Variants in FAM13A observed in about 807,000 individuals in gnomAD.
FAM13A encodes protein FAM13A.
FAM13A carries 76 observed loss-of-function variants against 129.6 expected under a neutral mutation model. The ratio of observed to expected loss-of-function variants is 0.59; its 90% CI spans 0.49 to 0.71. The LOEUF (loss-of-function observed/expected upper bound fraction) is 0.71. Among genes scored for constraint, FAM13A ranks in the 30% least tolerant of loss-of-function variants. FAM13A has a pLI of 0.00. For missense variants in FAM13A, 1,108 were observed against 1,249.3 expected (o/e 0.89, Z 1.70); for synonymous variants, 443 against 449.9 (o/e 0.98, Z 0.20).
rs767428164 is a variant in FAM13A, at chr4:88,728,300, T to C, written c.*233A>G. ...GTGCATGCGCGTGCGCATGTGCACA[T>C]ACTGCAGTCTTGACTTTCCAATTAC... On this transcript the variant is annotated 3_prime_UTR_variant, in exon 24 of 24. Transcript: ENST00000264344. 6 of 573,052 alleles carry C rather than the reference T, an allele frequency of 1.0e-5. No homozygotes were observed. The East Asian group carries it at 1.2e-4, about 11-fold the overall frequency. The allele number at this position is 573,052 out of a possible 1,614,324, so 35.5% of individuals were successfully genotyped here.
rs573048623 is a variant in FAM13A, at chr4:89,001,210, T to C, written c.428-10060A>G. On this transcript the variant is annotated intron_variant, in intron 3 of 23. Transcript: ENST00000264344. The stretch of plus-strand genomic sequence containing the variant: ...TAAGGTTCTTCCTGTCACATGGATC[T>C]GGATGAGAGCAGTCCAATTGGAACA... Among the ~76,000 whole-genome samples the C allele has an allele frequency of 1.2e-3, 187 of 152,354 alleles. 1 individual carries two copies. Among genetic ancestry groups the C allele is most frequent in the Non-Finnish European group, 1.9e-3 (127 of 68,032 alleles).
chr4:88,771,811 C>G (rs1214453146), intron 11 of FAM13A, among the ~76,000 whole-genome samples: 1 of 152,130 alleles, frequency 6.6e-6, no homozygotes, highest in South Asian at 2.1e-4. Flanking sequence ...TTTCAAAACA[C>G]AGATTCACTA....
chr4:88,875,868 A>G (rs964072656), intron 6 of FAM13A, among the ~76,000 whole-genome samples: 1 of 152,230 alleles, frequency 6.6e-6, no homozygotes, highest in African/African-American at 2.4e-5. Flanking sequence ...ACTATTCACA[A>G]TAGCAAAGAC....
chr4:88,761,602 A>T (rs1341761529), intron 13 of FAM13A, among the ~76,000 whole-genome samples: 1 of 152,138 alleles, frequency 6.6e-6, no homozygotes, highest in Admixed American at 6.5e-5. Flanking sequence ...AGAGCGTGGC[A>T]TGCTGGGCCA....
intron 4 of FAM13A, among the ~76,000 whole-genome samples, chr4:88,945,984 GTGTGTGTATATATATA>G (rs1274236036): frequency 1.2e-4 from 3 of 25,890 alleles, no homozygotes; most frequent in South Asian, 1.8e-3. Flanking sequence ...GTGTGTGTGT[GTGTGTGTATATATATA>G]TATATATATA....
At position 88,728,383 on chromosome 4, in the gene FAM13A, G is replaced by A; in HGVS notation, c.*150C>T. On this transcript the variant is annotated 3_prime_UTR_variant, in exon 24 of 24. Transcript: ENST00000264344. Reference sequence around the variant, plus strand: ...CCAGCCAGTTTCTAAGGCAGGCAATGGAAACAGGAGCCGATGCCAAATGGT... The same window carrying A: ...CCAGCCAGTTTCTAAGGCAGGCAATAGAAACAGGAGCCGATGCCAAATGGT... 1 of 866,544 alleles carries A rather than the reference G, an allele frequency of 1.2e-6. No individual in the cohort carries two copies. Among genetic ancestry groups the A allele is most frequent in the South Asian group, 1.7e-5 (1 of 58,482 alleles). 53.7% of individuals were successfully genotyped at this position (866,544 alleles called of 1,614,324 possible).
chr4:88,832,593 AAAG>A (rs1162249820), intron 7 of FAM13A, among the ~76,000 whole-genome samples: 2 of 152,244 alleles, frequency 1.3e-5, no homozygotes, highest in African/African-American at 2.4e-5. Flanking sequence ...ACACTACTCA[AAAG>A]AAGATGTTTA....
chr4:88,798,856 G>C (rs1336551025), intron 8 of FAM13A, among the ~76,000 whole-genome samples: 7 of 151,930 alleles, frequency 4.6e-5, no homozygotes, highest in African/African-American at 7.3e-5. Flanking sequence ...AGAGAGGCAG[G>C]GAAACTGAGG....
rs1761554194 is a variant in FAM13A at position 88,980,709 on chromosome 4, T to C, written c.605+10264A>G. Among the ~76,000 whole-genome samples, 3 of 152,378 alleles carry C rather than the reference T, an allele frequency of 2.0e-5. No individual in the cohort carries two copies. The South Asian group carries it at 6.2e-4, about 32-fold the overall frequency. Reference sequence around the variant, plus strand: ...GATTTTTAAAAATTTCAACTATTTATACTTTTCAATCCAAATTACCAGTTT... The same window carrying C: ...GATTTTTAAAAATTTCAACTATTTACACTTTTCAATCCAAATTACCAGTTT... On this transcript the variant is annotated intron_variant, in intron 4 of 23. Transcript: ENST00000264344.
chr4:88,904,345 T>C (rs1747799032), intron 6 of FAM13A, among the ~76,000 whole-genome samples: 1 of 152,050 alleles, frequency 6.6e-6, no homozygotes, highest in African/African-American at 2.4e-5. Context: ...CTACTTACAA[T>C]AGCAAAGACA....
At chr4:88,836,995 T>C (rs1178507104) in intron 7 of FAM13A, among the ~76,000 whole-genome samples, 1 of 151,944 alleles carries the variant, frequency 6.6e-6, no homozygotes, top group Non-Finnish European at 1.5e-5. Flanking sequence ...TGATGATTAT[T>C]TTTATTTTAC....
rs573517076 is a variant in FAM13A, at chr4:88,942,775, A to AT, written c.606-4535dup. On this transcript the variant is annotated intron_variant, in intron 4 of 23. Transcript: ENST00000264344. ...AGGCTACTAACTCTCCGAATTGCCT[A>AT]TTTTCTTTGAAAAAAATAGTCTCCT... Among the ~76,000 whole-genome samples, 999 of 152,134 alleles carry AT rather than the reference A, an allele frequency of 6.6e-3. 15 individuals are homozygous for AT. The highest frequency in any genetic ancestry group is 0.023 in the African/African-American group (955 of 41,510).
At chr4:88,751,798 T>C (rs1742683157) in intron 14 of FAM13A, among the ~76,000 whole-genome samples, 1 of 152,362 alleles carries the variant, frequency 6.6e-6, no homozygotes, top group East Asian at 1.9e-4. Flanking sequence ...TTTGTAATGT[T>C]TGCATTATAG....
intron 4 of FAM13A, among the ~76,000 whole-genome samples, chr4:88,966,717 A>G (rs1441047546): frequency 6.6e-6 from 1 of 152,202 alleles, no homozygotes; most frequent in Non-Finnish European, 1.5e-5. Flanking sequence ...GAGGAATCAC[A>G]TTAATAGCCT....
chr4:88,732,391 AAC>A (rs1382995785), intron 21 of FAM13A, 193 bp from the exon 22 acceptor site: 26 of 442,090 alleles, frequency 5.9e-5, no homozygotes, highest in East Asian at 5.8e-4. Flanking sequence ...CACATTTAAT[AAC>A]ACAATGTAGC....
intron 5 of FAM13A, among the ~76,000 whole-genome samples, chr4:88,917,465 A>C (rs1750300730): frequency 6.6e-6 from 1 of 152,102 alleles, no homozygotes; most frequent in African/African-American, 2.4e-5. Flanking sequence ...GGAGACAAAC[A>C]AACCACATCC....
intron 10 of FAM13A, among the ~76,000 whole-genome samples, chr4:88,787,240 G>A (rs888790905): frequency 6.6e-6 from 1 of 151,996 alleles, no homozygotes; most frequent in Non-Finnish European, 1.5e-5. Flanking sequence ...AACAACTTAA[G>A]CTTTTCATTT....
At chr4:88,739,170 T>A in intron 19 of FAM13A, 45 bp from the exon 20 acceptor site, 2 of 1,329,874 alleles carry the variant, frequency 1.5e-6, no homozygotes, top group Non-Finnish European at 2.2e-6. Context: ...CTGCTGGGAG[T>A]CACAACCAGC....
At chr4:88,986,564 G>A (rs556364576) in intron 4 of FAM13A, among the ~76,000 whole-genome samples, 28 of 152,340 alleles carry the variant, frequency 1.8e-4, no homozygotes, top group South Asian at 1.0e-3. Context: ...GCCAAATGGC[G>A]AAGACAACCA....
Sources: gnomAD v4.1 joint callset for allele counts (sites outside exome capture counted in the v4.1 genomes callset) on GRCh38, gnomAD v4.1.1 for gene constraint, MANE v1.5 for transcripts, NCBI Gene and HGNC (gene_info 2026-07-23, HGNC 2026-07-21) for gene names.